Variants in TCP1 observed in about 807,000 individuals in gnomAD.
TCP1 encodes T-complex protein 1 subunit alpha.
A neutral mutation model predicts 54.7 loss-of-function variants in TCP1; 6 were observed. The observed-to-expected ratio is 0.11, with a 90% CI of 0.06 to 0.22. The LOEUF is 0.22. Among genes scored for constraint, TCP1 ranks in the 10% least tolerant of loss-of-function variants. The probability of loss-of-function intolerance (pLI) is 1.00; values close to 1 mark genes in which losing one functional copy is unlikely to be tolerated. For synonymous variants in TCP1, 225 were observed against 229.7 expected (o/e 0.98, Z 0.19); for missense variants, 511 against 678.2 (o/e 0.75, Z 2.74).
intron 5 of TCP1, 41 bp downstream of exon 5, chr6:159,785,345 C>G (rs78114506): frequency 6.7e-7 from 1 of 1,488,794 alleles, no homozygotes; most frequent in Non-Finnish European, 9.3e-7. Context: ...AAGTCTTATG[C>G]TTTAAAAAGT....
intron 3 of TCP1, among the ~76,000 whole-genome samples, chr6:159,787,170 C>G (rs377453738): frequency 5.2e-4 from 79 of 151,972 alleles, no homozygotes; most frequent in African/African-American, 1.8e-3. Context: ...AGGAGGATTG[C>G]TTGAACCCAG....
chr6:159,784,612 A>C, intron 6 of TCP1, 54 bp downstream of exon 6: 1 of 1,570,206 alleles, frequency 6.4e-7, no homozygotes, highest in Non-Finnish European at 8.6e-7. Context: ...CCAAAAGAAA[A>C]GCTAGTTTTA....
At position 159,783,275 on chromosome 6, in the gene TCP1, G is replaced by A. The variant is rs186809135; in HGVS notation, c.797+666C>T. On this transcript the variant is annotated intron_variant, in intron 7 of 11. Transcript: ENST00000321394. The stretch of plus-strand genomic sequence containing the variant: ...GAAGAAAGGACACTTTGTTGTATGA[G>A]GAAGGAAGGAAAAAAGAACACCCGT... Among the ~76,000 whole-genome samples the A allele has an allele frequency of 5.3e-5, 8 of 152,034 alleles. No individual in the cohort carries two copies. In the East Asian group the frequency reaches 5.8e-4, roughly 11 times the overall value.
intron 7 of TCP1, among the ~76,000 whole-genome samples, chr6:159,782,005 G>A (rs895126097): frequency 5.3e-5 from 8 of 152,212 alleles, no homozygotes; most frequent in African/African-American, 1.9e-4. Context: ...GATATAAGCT[G>A]AAAGACAACC....
intron 3 of TCP1, among the ~76,000 whole-genome samples, chr6:159,787,425 T>C (rs1223164852): frequency 6.6e-6 from 1 of 151,986 alleles, no homozygotes; most frequent in Non-Finnish European, 1.5e-5. Context: ...AAAGGAAAAA[T>C]AAGCCCTCAA....
At position 159,778,968 on chromosome 6, in the gene TCP1, T is replaced by A; in HGVS notation, c.*77A>T. ...AAACCCAAGTTTACAGCTTGTACTT[T>A]ACTTTAATGTGTAATACTCAACTCA... On this transcript the variant is annotated 3_prime_UTR_variant, in exon 12 of 12. Transcript: ENST00000321394. 6.4e-7 allele frequency: 1 copy of A among 1,560,682 alleles called. No homozygotes were observed. Among genetic ancestry groups the A allele is most frequent in the South Asian group, 1.2e-5 (1 of 83,980 alleles).
At position 159,778,516 on chromosome 6, in the gene TCP1, T is replaced by C; in HGVS notation, c.*529A>G. On this transcript the variant is annotated 3_prime_UTR_variant, in exon 12 of 12. Transcript: ENST00000321394. The stretch of plus-strand genomic sequence containing the variant: ...GCAGGGATGAATTTTCACAAAGGTG[T>C]AAATTTATTCCTAAGCAGTTAAAAT... 1 of 952,676 alleles carries C rather than the reference T, an allele frequency of 1.0e-6. No individual in the cohort carries two copies. The allele number at this position is 952,676 out of a possible 1,614,324, so 59.0% of individuals were successfully genotyped here. A position where few individuals can be genotyped will look rare whatever the true frequency, so the allele number is the denominator to read the frequency against.
chr6:159,783,222 A>G (rs967491979), intron 7 of TCP1, among the ~76,000 whole-genome samples: 9 of 152,168 alleles, frequency 5.9e-5, no homozygotes, highest in Admixed American at 2.0e-4. Context: ...ACTCTAGAAC[A>G]CTTACTGTAG....
chr6:159,784,599 C>A, intron 6 of TCP1, 67 bp downstream of exon 6: 1 of 1,545,934 alleles, frequency 6.5e-7, no homozygotes, highest in Admixed American at 1.9e-5. Flanking sequence ...CCACCGCGCC[C>A]AGCCAAAAGA....
rs777545486 is a variant in TCP1 at position 159,780,955 on chromosome 6, C to T, written c.953G>A (p.Arg318His). Residue 318 changes from arginine (R) to histidine (H), a missense_variant, in exon 8 of 12, where the codon CGC becomes CAC. This residue lies in a region of TCP1 where 305 missense variants were observed against 352.8 expected (regional missense o/e 0.86). Coordinates refer to ENST00000321394, the MANE Select transcript of TCP1 (RefSeq NM_030752.3). The part of the protein sequence containing the change: ...VRRVLKRDLK[R>H]IAKASGATIL... ...CATACCTCCAGAAGCTTTGGCAATG[C>T]GTTTAAGGTCCCTTTTTAAAACTCT... 1.1e-5 allele frequency: 18 copies of T among 1,605,878 alleles called. No homozygotes were observed. The African/African-American group carries it at 1.7e-4, about 16-fold the overall frequency.
Position 159,789,601 on chromosome 6 carries a change from C to T in TCP1, c.-133G>A. The T allele has an allele frequency of 9.2e-7, 1 of 1,087,916 alleles. No individual in the cohort carries two copies. Among genetic ancestry groups the T allele is most frequent in the South Asian group, 1.4e-5 (1 of 71,594 alleles). 67.4% of individuals were successfully genotyped at this position (1,087,916 alleles called of 1,614,324 possible). A position where few individuals can be genotyped will look rare whatever the true frequency, so the allele number is the denominator to read the frequency against. ...TACCCGAGCGATGTCCCAGGAGCTACTGGGTAACACACCACCCCACCCGCT... is the reference window on the plus strand; with the variant it reads ...TACCCGAGCGATGTCCCAGGAGCTATTGGGTAACACACCACCCCACCCGCT... On this transcript the variant is annotated 5_prime_UTR_variant, in exon 1 of 12. Transcript: ENST00000321394.
Position 159,778,843 on chromosome 6 carries a change from T to G in TCP1, c.*202A>C, listed in dbSNP as rs779061797. The G allele has an allele frequency of 6.2e-7, 1 of 1,613,956 alleles. No homozygotes were observed. Among genetic ancestry groups the G allele is most frequent in the Non-Finnish European group, 8.5e-7 (1 of 1,179,874 alleles). On this transcript the variant is annotated 3_prime_UTR_variant, in exon 12 of 12. Transcript: ENST00000321394. ...CAGAGAGAATGAATTGCTTAAACTT[T>G]GAACAACCTCAATTTCTTTTTAAAC...
Position 159,778,668 on chromosome 6 carries a change from G to A in TCP1, c.*377C>T, listed in dbSNP as rs766664459. ...TTTTCTCCCCCGTTAGGTCAATATT[G>A]AAGGAGGGGCTATAGCCTTGGGCCA... On this transcript the variant is annotated 3_prime_UTR_variant, in exon 12 of 12. Transcript: ENST00000321394. 10 of 1,613,988 alleles carry A rather than the reference G, an allele frequency of 6.2e-6. No individual in the cohort carries two copies. Among genetic ancestry groups the A allele is most frequent in the Non-Finnish European group, 5.9e-6 (7 of 1,179,958 alleles).
At chr6:159,779,405 G>A (rs974543319) in intron 11 of TCP1, 144 bp from the exon 12 acceptor site, 1 of 966,184 alleles carries the variant, frequency 1.0e-6, no homozygotes, top group Non-Finnish European at 1.5e-6. Context: ...AAAGAAGCAG[G>A]GAGAGATTAG....
intron 3 of TCP1, among the ~76,000 whole-genome samples, chr6:159,786,865 T>G (rs1780709580): frequency 6.6e-6 from 1 of 152,186 alleles, no homozygotes; most frequent in Admixed American, 6.5e-5. Flanking sequence ...ATTTACTGAC[T>G]CGGTAAGATC....
At chr6:159,785,354 G>T in intron 5 of TCP1, 32 bp downstream of exon 5, 1 of 1,541,210 alleles carries the variant, frequency 6.5e-7, no homozygotes, top group Non-Finnish European at 9.0e-7. Context: ...GCTTTAAAAA[G>T]TCTAAATTTT....
intron 7 of TCP1, among the ~76,000 whole-genome samples, chr6:159,783,361 C>CTGGTT (rs10640995): frequency 0.88 from 129,817 of 148,324 alleles, 57,345 homozygotes; most frequent in African/African-American, 0.97. Flanking sequence ...TCTTGTAGGT[C>CTGGTT]TAACTACTGT....
Position 159,784,778 on chromosome 6 carries a change from G to C in TCP1, c.558C>G (p.Gly186=). The change falls in exon 6 of 12, where the codon GGC becomes GGG. Residue 186 remains glycine (G), a synonymous_variant. Coordinates refer to ENST00000321394, the MANE Select transcript of TCP1 (RefSeq NM_030752.3). ...VLAIKYTDIR[G]QPRYPVNSVN... Reference sequence around the variant, plus strand: ...CAGAGTTGACTGGATAGCGTGGCTGGCCTCTTATGTCTGTGTATTTAATAG... The same window carrying C: ...CAGAGTTGACTGGATAGCGTGGCTGCCCTCTTATGTCTGTGTATTTAATAG... The C allele has an allele frequency of 1.9e-6, 3 of 1,614,150 alleles. No homozygotes were observed. Among genetic ancestry groups the C allele is most frequent in the Non-Finnish European group, 2.5e-6 (3 of 1,180,022 alleles).
chr6:159,779,074 C>A lies in TCP1; in HGVS notation c.1642G>T (p.Ala548Ser), dbSNP rs781752378. ...KDDKHGSYED[A>S]VHSGALND Reference sequence around the variant, plus strand: ...TCATTAAGGGCTCCAGAGTGAACAGCATCTTCATAACTTCCATGTTTATCA... The same window carrying A: ...TCATTAAGGGCTCCAGAGTGAACAGAATCTTCATAACTTCCATGTTTATCA... The change falls in exon 12 of 12, where the codon GCT (alanine) becomes TCT (serine). Residue 548 changes from alanine (A) to serine (S), a missense_variant. Around this residue, in one of 5 missense-constraint regions of TCP1, gnomAD observed 29 missense variants for 27.7 expected, o/e 1.05. Transcript: ENST00000321394. 1.2e-6 allele frequency: 2 copies of A among 1,614,032 alleles called. No individual in the cohort carries two copies. The highest frequency in any genetic ancestry group is 2.2e-5 in the South Asian group (2 of 91,066).
Sources: gnomAD v4.1 joint callset for allele counts (sites outside exome capture counted in the v4.1 genomes callset) on GRCh38, gnomAD v4.1.1 for gene constraint, gnomAD v4.1.1 regional missense constraint, MANE v1.5 for transcripts, NCBI Gene and HGNC (gene_info 2026-07-23, HGNC 2026-07-21) for gene names.